Variants in ARHGAP6 observed in about 807,000 individuals in gnomAD.
The protein encoded by ARHGAP6 is Rho GTPase activating protein 6.
ARHGAP6 carries 16 observed loss-of-function variants against 55.7 expected under a neutral mutation model. The observed-to-expected ratio is 0.29, with a 90% CI of 0.19 to 0.44. The LOEUF (loss-of-function observed/expected upper bound fraction) is 0.44. Ranked by LOEUF, ARHGAP6 falls within the 20% of genes least tolerant of loss-of-function variation. The pLI is 1.00. For missense variants in ARHGAP6, 698 were observed against 808.9 expected (o/e 0.86, Z 1.66); for synonymous variants, 382 against 360.9 (o/e 1.06, Z -0.66).
In ARHGAP6 at chrX:11,188,881, T is replaced by A. The variant is rs1277842928; in HGVS notation, c.924A>T (p.Ala308=). The A allele has an allele frequency of 1.7e-6, 2 of 1,209,680 alleles. No homozygotes were observed. The highest frequency in any genetic ancestry group is 3.5e-5 in the African/African-American group (2 of 57,056). Residue 308 remains alanine, a synonymous_variant, in exon 4 of 13, where the codon GCA becomes GCT. Transcript: ENST00000337414. ...QDLQRDEQKD[A]SDFVASLLPF... is the part of the protein sequence containing the mutation. ...GGAGGAGGGAAGCCACAAAGTCAGA[T>A]GCATCTTTCTGCTCGTCCCTCTGCA...
At chrX:11,370,893 AAACAACAACAACAACAAC>A (rs751345129) in intron 1 of ARHGAP6, among the ~76,000 whole-genome samples, 4 of 110,108 alleles carry the variant, frequency 3.6e-5, no homozygotes, top group African/African-American at 1.3e-4. Flanking sequence ...GTATGCTTAC[AAACAACAACAACAACAAC>A]AACAACAACA....
chrX:11,305,414 CAGAA>C (rs1374374596), intron 1 of ARHGAP6, among the ~76,000 whole-genome samples: 2 of 112,145 alleles, frequency 1.8e-5, no homozygotes, highest in East Asian at 2.8e-4. Context: ...AACCGTCCGA[CAGAA>C]GTTAGAATAG....
intron 1 of ARHGAP6, among the ~76,000 whole-genome samples, chrX:11,649,665 A>G (rs925113541): frequency 1.4e-4 from 16 of 112,149 alleles, no homozygotes; most frequent in Non-Finnish European, 3.0e-4. Context: ...TGCCACTCTT[A>G]TCTTTTCTTC....
intron 1 of ARHGAP6, among the ~76,000 whole-genome samples, chrX:11,438,463 T>C (rs139491872): frequency 0.015 from 1,701 of 112,661 alleles, 33 homozygotes; most frequent in African/African-American, 0.052. Flanking sequence ...ACATGCACAC[T>C]CATGTGATCG....
chrX:11,294,700 A>G, intron 1 of ARHGAP6: 2 of 1,007,061 alleles, frequency 2.0e-6, no homozygotes, highest in Non-Finnish European at 2.8e-6. Context: ...AATGTAGATT[A>G]TGTGTGTTTT....
chrX:11,623,839 A>G (rs1295387173), intron 1 of ARHGAP6, among the ~76,000 whole-genome samples: 1 of 112,201 alleles, frequency 8.9e-6, no homozygotes, highest in Non-Finnish European at 1.9e-5. Flanking sequence ...TGCAATCCCT[A>G]TCAAAATACC....
chrX:11,271,032 G>C (rs1427917010), intron 1 of ARHGAP6, among the ~76,000 whole-genome samples: 3 of 111,921 alleles, frequency 2.7e-5, no homozygotes, highest in African/African-American at 9.7e-5. Context: ...TACTCATGTA[G>C]TGAGGAACGC....
At chrX:11,198,348 G>A (rs1033692611) in intron 2 of ARHGAP6, among the ~76,000 whole-genome samples, 1 of 111,862 alleles carries the variant, frequency 8.9e-6, no homozygotes, top group Non-Finnish European at 1.9e-5. Context: ...GGCAACAGCC[G>A]TCAATCTCTC....
At chrX:11,381,481 C>T (rs1272339482) in intron 1 of ARHGAP6, among the ~76,000 whole-genome samples, 1 of 111,925 alleles carries the variant, frequency 8.9e-6, no homozygotes, top group African/African-American at 3.3e-5. Context: ...ATCCCAACGA[C>T]CATAGAAGAT....
At chrX:11,319,735 A>T (rs949149341) in intron 1 of ARHGAP6, among the ~76,000 whole-genome samples, 2 of 112,434 alleles carry the variant, frequency 1.8e-5, no homozygotes, top group Admixed American at 9.4e-5. Flanking sequence ...TCCTCCCAGG[A>T]GAATACTTAA....
chrX:11,549,754 A>G (rs758403574), intron 1 of ARHGAP6, among the ~76,000 whole-genome samples: 1 of 112,689 alleles, frequency 8.9e-6, no homozygotes, highest in South Asian at 3.7e-4. Context: ...ATGATCTGAA[A>G]ATTACTTACT....
chrX:11,155,481 G>A (rs1334279110), intron 10 of ARHGAP6, among the ~76,000 whole-genome samples: 5 of 110,586 alleles, frequency 4.5e-5, no homozygotes, highest in African/African-American at 1.7e-4. Context: ...TGTATTTTTA[G>A]TAGAGAGGGG....
At chrX:11,351,047 T>TACACACACACACAC (rs35026703) in intron 1 of ARHGAP6, among the ~76,000 whole-genome samples, 5 of 87,966 alleles carry the variant, frequency 5.7e-5, no homozygotes, top group South Asian at 5.8e-4. Context: ...ATATTCAAAT[T>TACACACACACACAC]ACACACACAC....
intron 2 of ARHGAP6, among the ~76,000 whole-genome samples, chrX:11,237,276 C>G (rs746782988): frequency 5.3e-5 from 6 of 112,539 alleles, no homozygotes; most frequent in Non-Finnish European, 1.1e-4. Flanking sequence ...TCCTCTGGTG[C>G]TGCTACACAC....
Position 11,294,674 on chromosome X carries a change from T to C in ARHGAP6, c.589-39967A>G, listed in dbSNP as rs907794530. The C allele has an allele frequency of 3.9e-5, 34 of 866,266 alleles. No individual in the cohort carries two copies. The Admixed American group carries it at 7.1e-4, about 18-fold the overall frequency. The allele number at this position is 866,266 out of a possible 1,213,427, so 71.4% of individuals were successfully genotyped here. A position where few individuals can be genotyped will look rare whatever the true frequency, so the allele number is the denominator to read the frequency against. On this transcript the variant is annotated intron_variant, in intron 1 of 12. Transcript: ENST00000337414. ...TTCACAAACAATGGCTCCATCCTTC[T>C]TACTAGCAATAGACTAATGTAGATT...
chrX:11,213,113 G>A (rs949682742), intron 2 of ARHGAP6, among the ~76,000 whole-genome samples: 3 of 112,575 alleles, frequency 2.7e-5, no homozygotes, highest in Admixed American at 9.3e-5. Flanking sequence ...GGGAGTGCTC[G>A]GAATCCTGTC....
At chrX:11,430,724 AC>A (rs2147788299) in intron 1 of ARHGAP6, among the ~76,000 whole-genome samples, 1 of 112,403 alleles carries the variant, frequency 8.9e-6, no homozygotes, top group Admixed American at 9.4e-5. Flanking sequence ...TCATTATTCA[AC>A]AAATATTATT....
intron 1 of ARHGAP6, among the ~76,000 whole-genome samples, chrX:11,646,467 A>G (rs767836577): frequency 1.1e-4 from 12 of 111,963 alleles, no homozygotes; most frequent in Non-Finnish European, 2.3e-4. Context: ...ACAATAAGAA[A>G]TGTGTTCAAG....
intron 1 of ARHGAP6, among the ~76,000 whole-genome samples, chrX:11,442,155 T>C (rs2050045735): frequency 9.0e-6 from 1 of 111,123 alleles, no homozygotes; most frequent in Non-Finnish European, 1.9e-5. Context: ...TCTTGGATTA[T>C]TACATCCCTT....
Sources: gnomAD v4.1 joint callset for allele counts (sites outside exome capture counted in the v4.1 genomes callset) on GRCh38, gnomAD v4.1.1 for gene constraint, MANE v1.5 for transcripts, NCBI Gene and HGNC (gene_info 2026-07-23, HGNC 2026-07-21) for gene names.